Variants in DLGAP2 observed in about 807,000 individuals in gnomAD.
DLGAP2 encodes the protein DLG associated protein 2, also known as disks large-associated protein 2.
A neutral mutation model predicts 100.3 loss-of-function variants in DLGAP2; 26 were observed. The observed-to-expected ratio is 0.26, with a 90% CI of 0.19 to 0.36. DLGAP2 has a LOEUF of 0.36. DLGAP2 is among the 10% of genes least tolerant of loss of function. DLGAP2 has a pLI of 1.00. For synonymous variants in DLGAP2, 886 were observed against 630.1 expected (o/e 1.41, Z -6.08); for missense variants, 1,858 against 1,453.2 (o/e 1.28, Z -4.53).
intron 1 of DLGAP2, among the ~76,000 whole-genome samples, chr8:757,581 C>T (rs1290389925): frequency 6.6e-6 from 1 of 152,190 alleles, no homozygotes; most frequent in Admixed American, 6.5e-5. Context: ...CCCTGTGTCA[C>T]GTGCTGCTCA....
At chr8:1,698,942 G>T (rs1394809019) in intron 14 of DLGAP2, among the ~76,000 whole-genome samples, 3 of 152,064 alleles carry the variant, frequency 2.0e-5, no homozygotes, top group African/African-American at 7.2e-5. Flanking sequence ...GTCTGCATAA[G>T]CCATGCATGG....
intron 3 of DLGAP2, among the ~76,000 whole-genome samples, chr8:1,495,040 A>T (rs942447693): frequency 6.6e-6 from 1 of 152,154 alleles, no homozygotes; most frequent in Non-Finnish European, 1.5e-5. Context: ...TTCTTCATCA[A>T]TTCTCCATAA....
At chr8:1,164,067 G>C (rs1305274632) in intron 2 of DLGAP2, among the ~76,000 whole-genome samples, 2 of 146,860 alleles carry the variant, frequency 1.4e-5, no homozygotes, top group African/African-American at 5.2e-5. Flanking sequence ...GGCTGACGCT[G>C]GCGCCGTCTT....
At chr8:772,627 T>C (rs1418895403) in intron 1 of DLGAP2, among the ~76,000 whole-genome samples, 1 of 152,190 alleles carries the variant, frequency 6.6e-6, no homozygotes, top group African/African-American at 2.4e-5. Context: ...ACTGCCTTAA[T>C]AGAGTATTTT....
intron 2 of DLGAP2, among the ~76,000 whole-genome samples, chr8:999,352 C>G (rs760367745): frequency 1.3e-5 from 2 of 151,942 alleles, no homozygotes; most frequent in Non-Finnish European, 2.9e-5. Flanking sequence ...CTTTTCTCAT[C>G]TTCTTTCCCT....
At chr8:868,300 G>T (rs1340253623) in intron 1 of DLGAP2, among the ~76,000 whole-genome samples, 2 of 152,196 alleles carry the variant, frequency 1.3e-5, no homozygotes, top group Non-Finnish European at 2.9e-5. Flanking sequence ...GTGTCTCGTT[G>T]TTAGTGTTGC....
rs567756265 is a variant in DLGAP2 at position 997,937 on chromosome 8, TACAG to T, written c.73+89975_73+89978del. ...ACAAACATGCACACACACCCATGCA[TACAG>T]ACAAACACATCACACATGCATACAC... On this transcript the variant is annotated intron_variant, in intron 2 of 14. Transcript: ENST00000637795. Among the ~76,000 whole-genome samples the T allele has an allele frequency of 3.0e-3, 459 of 151,724 alleles. 2 individuals are homozygous for T. Among genetic ancestry groups the T allele is most frequent in the Middle Eastern group, 0.01 (3 of 294 alleles).
chr8:1,174,587 A>G (rs911974204), intron 2 of DLGAP2, among the ~76,000 whole-genome samples: 11 of 151,918 alleles, frequency 7.2e-5, no homozygotes, highest in Admixed American at 4.6e-4. Flanking sequence ...CATTACCATC[A>G]TTGTCGTCAT....
chr8:1,547,342 C>G (rs1181033578), intron 4 of DLGAP2, among the ~76,000 whole-genome samples: 1 of 152,008 alleles, frequency 6.6e-6, no homozygotes, highest in Non-Finnish European at 1.5e-5. Context: ...GAACAGGGCT[C>G]CCCTAAAAGT....
chr8:1,084,873 C>T (rs1172867521), intron 2 of DLGAP2, among the ~76,000 whole-genome samples: 1 of 152,188 alleles, frequency 6.6e-6, no homozygotes, highest in Non-Finnish European at 1.5e-5. Context: ...GATTTCAGAT[C>T]TGTTTCTGAG....
rs144933524 is a variant in DLGAP2 at position 1,345,230 on chromosome 8, T to G, written c.106+86347T>G. ...GCACTACTGTATCCTCTGCTGAAGG[T>G]GCAGGCTCAGTTCCTTCAGGGCAGA... On this transcript the variant is annotated intron_variant, in intron 3 of 14. Coordinates refer to ENST00000637795, the MANE Select transcript of DLGAP2 (RefSeq NM_001346810.2). 2.6e-5 allele frequency among the ~76,000 whole-genome samples: 4 copies of G among 152,360 alleles called. No homozygotes were observed. The East Asian group carries it at 5.8e-4, about 22-fold the overall frequency.
chr8:1,638,883 C>T (rs941472928), intron 8 of DLGAP2, among the ~76,000 whole-genome samples: 4 of 152,206 alleles, frequency 2.6e-5, no homozygotes, highest in African/African-American at 4.8e-5. Flanking sequence ...GGGGCTGTGC[C>T]GTTGTCTCCT....
At chr8:1,104,070 G>C (rs1189115252) in intron 2 of DLGAP2, among the ~76,000 whole-genome samples, 4 of 152,208 alleles carry the variant, frequency 2.6e-5, no homozygotes, top group Non-Finnish European at 5.9e-5. Flanking sequence ...CTTCACGCAT[G>C]AATCACCACA....
rs374349612 is a variant in DLGAP2 at position 1,135,190 on chromosome 8, A to G, written c.74-123661A>G. Reference sequence around the variant, plus strand: ...AATTACAAGTATAGGCACTTACCCTATATAACATTGTGGGGTTTTTTGTTT... The same window carrying G: ...AATTACAAGTATAGGCACTTACCCTGTATAACATTGTGGGGTTTTTTGTTT... On this transcript the variant is annotated intron_variant, in intron 2 of 14. Transcript: ENST00000637795. 1.4e-4 allele frequency among the ~76,000 whole-genome samples: 22 copies of G among 152,262 alleles called. 1 individual carries two copies. The highest frequency in any genetic ancestry group is 4.1e-4 in the African/African-American group (17 of 41,548).
chr8:1,311,865 A>G (rs892684004), intron 3 of DLGAP2, among the ~76,000 whole-genome samples: 1 of 152,250 alleles, frequency 6.6e-6, no homozygotes, highest in Non-Finnish European at 1.5e-5. Context: ...TCCTTAATGT[A>G]TATGCACCTG....
chr8:1,701,313 C>G lies in DLGAP2; in HGVS notation c.3075C>G (p.Ala1025=), dbSNP rs776247112. Residue 1025 remains alanine, a synonymous_variant, in exon 15 of 15, where the codon GCC becomes GCG. Transcript: ENST00000637795. ...QRQEARRRLM[A]AKRAASFRQN... is the part of the protein sequence containing the mutation. ...AGGAAGCCCGGAGGCGCCTCATGGC[C>G]GCCAAGCGAGCGGCGTCCTTCCGGC... 56 of 1,587,548 alleles carry G rather than the reference C, an allele frequency of 3.5e-5. 1 individual carries two copies. In the South Asian group the frequency reaches 6.3e-4, roughly 18 times the overall value.
At chr8:1,304,801 G>A (rs1445255059) in intron 3 of DLGAP2, among the ~76,000 whole-genome samples, 2 of 152,190 alleles carry the variant, frequency 1.3e-5, no homozygotes, top group Non-Finnish European at 2.9e-5. Flanking sequence ...CATATTTTGT[G>A]GATCATCATC....
chr8:952,002 G>C (rs772964025), intron 2 of DLGAP2, among the ~76,000 whole-genome samples: 6 of 152,226 alleles, frequency 3.9e-5, no homozygotes, highest in African/African-American at 1.2e-4. Context: ...CTTGGACTTT[G>C]TCCTTGCCCT....
rs918658352 is a variant in DLGAP2 at position 1,565,820 on chromosome 8, A to G, written c.1368A>G (p.Thr456=). The G allele has an allele frequency of 1.2e-6, 2 of 1,613,718 alleles. No individual in the cohort carries two copies. Among genetic ancestry groups the G allele is most frequent in the African/African-American group, 1.3e-5 (1 of 74,916 alleles). The stretch of plus-strand genomic sequence containing the variant: ...GAGAGTCAGACTCCAGCCCCAAGAC[A>G]TCACCAAAGTCGGCAATCCTACCAG... ...ESGESDSSPK[T]SPKSAILPEP... Residue 456 remains threonine, a synonymous_variant, in exon 6 of 15, where the codon ACA becomes ACG. Transcript: ENST00000637795.
Sources: allele counts gnomAD v4.1 joint callset (sites outside exome capture counted in the v4.1 genomes callset), GRCh38; gene constraint gnomAD v4.1.1; transcripts MANE v1.5; gene names NCBI Gene and HGNC (gene_info 2026-07-23, HGNC 2026-07-21).